The following SLF2 variants were observed in gnomAD, a reference collection of about 807,000 sequenced individuals.
The protein encoded by SLF2 is SMC5/6 complex localization factor 2, also known as SMC5-SMC6 complex localization factor protein 2.
Under a neutral mutation model 124.3 loss-of-function variants are expected in SLF2, and 68 were observed. The ratio of observed to expected loss-of-function variants is 0.55; its 90% CI spans 0.45 to 0.67. The LOEUF is 0.67. Ranked by LOEUF, SLF2 falls within the 30% of genes least tolerant of loss-of-function variation. SLF2 has a pLI of 0.00. For missense variants in SLF2, 1,246 were observed against 1,373.7 expected, an observed-to-expected ratio of 0.91 and a Z score of 1.47; for synonymous variants, 480 against 478.8, an observed-to-expected ratio of 1.00 and a Z score of -0.03.
chr10:100,928,832 C>A (rs574423604), intron 6 of SLF2, among the ~76,000 whole-genome samples: 8 of 152,126 alleles, frequency 5.3e-5, no homozygotes, highest in Non-Finnish European at 1.2e-4. Context: ...ATATTAAGTG[C>A]TCGGTAAATG....
In SLF2 at chr10:100,956,557, TTTTC is replaced by T; in HGVS notation, c.3417+24_3417+27del. The T allele has an allele frequency of 6.5e-7, 1 of 1,534,222 alleles. No individual in the cohort carries two copies. The highest frequency in any genetic ancestry group is 1.2e-5 in the South Asian group (1 of 83,460). ...ACTAAGGTAAGTGTGTTCTTTCTTT[TTTTC>T]TTTTTTTTTTTCTTAATCTTGGTTA... On this transcript the variant is annotated intron_variant, in intron 18 of 19. Transcript: ENST00000238961.
chr10:100,924,832 A>T lies in SLF2; in HGVS notation c.1831A>T (p.Asn611Tyr). The T allele has an allele frequency of 6.2e-7, 1 of 1,614,228 alleles. No homozygotes were observed. Among genetic ancestry groups the T allele is most frequent in the Non-Finnish European group, 8.5e-7 (1 of 1,180,036 alleles). ...TAGTGATGAAGAAAGTTTAGGTTAC[A>T]ACCTAGACAGTGATGAGGAAGAGGA... ...FDSDEESLGY[N>Y]LDSDEEEETL... Residue 611 changes from asparagine to tyrosine, a missense_variant, in exon 5 of 20, where the codon AAC becomes TAC. Coordinates refer to ENST00000238961, the MANE Select transcript of SLF2 (RefSeq NM_018121.4).
chr10:100,958,039 ACT>A (rs1189567239), intron 18 of SLF2, among the ~76,000 whole-genome samples: 3 of 152,068 alleles, frequency 2.0e-5, no homozygotes, highest in South Asian at 4.1e-4. Context: ...ACAGAGCAAG[ACT>A]CTGTCTCAAA....
In SLF2 at chr10:100,918,392, A is replaced by T; in HGVS notation, c.924A>T (p.Gly308=). Residue 308 remains glycine, a synonymous_variant, in exon 4 of 20, where the codon GGA becomes GGT. Coordinates refer to ENST00000238961, the MANE Select transcript of SLF2 (RefSeq NM_018121.4). ...GKNNLSNVEN[G]HLSRKRSSSD... ...TCTCATTGTGCTCATAGGAAAATGG[A>T]CATCTCTCAAGAAAAAGATCCTCTT... 1 of 1,594,624 alleles carries T rather than the reference A, an allele frequency of 6.3e-7. No homozygotes were observed. The highest frequency in any genetic ancestry group is 8.5e-7 in the Non-Finnish European group (1 of 1,169,850).
At chr10:100,928,745 G>A (rs1235679125) in intron 6 of SLF2, among the ~76,000 whole-genome samples, 1 of 152,096 alleles carries the variant, frequency 6.6e-6, no homozygotes, top group Non-Finnish European at 1.5e-5. Context: ...TATAAAATGC[G>A]TTATAAACTA....
intron 6 of SLF2, chr10:100,926,765 C>T (rs1011039598): frequency 6.6e-6 from 1 of 151,998 alleles, no homozygotes; most frequent in Admixed American, 6.6e-5. Flanking sequence ...AAAAAATTAG[C>T]TGGGTGTCGT....
rs1471769068 is a variant in SLF2, at chr10:100,945,458, A to G, written c.2886A>G (p.Gln962=). ...QLKQIPLVDF[Q]SLLINLMKNI... is the part of the protein sequence containing the mutation. ...AACAGATTCCTTTAGTAGACTTTCA[A>G]AGCCTCCTGATAAACCTGATGAAAA... The change falls in exon 13 of 20, where the codon CAA becomes CAG. Residue 962 remains glutamine (Q), a synonymous_variant. Transcript: ENST00000238961. 1.9e-6 allele frequency: 3 copies of G among 1,590,712 alleles called. No homozygotes were observed. The highest frequency in any genetic ancestry group is 1.7e-4 in the Middle Eastern group (1 of 5,998).
rs757559576 is a variant in SLF2 at position 100,929,300 on chromosome 10, T to C, written c.2043-17T>C. On this transcript the variant is annotated splice_polypyrimidine_tract_variant and intron_variant, in intron 6 of 19. Coordinates refer to ENST00000238961, the MANE Select transcript of SLF2 (RefSeq NM_018121.4). ...ATTTTTAGAGTAAACTGTTATAACA[T>C]TCTTTCCAATTCTCAGGCTAGATGA... 3.1e-6 allele frequency: 5 copies of C among 1,596,744 alleles called. No individual in the cohort carries two copies. In the South Asian group the frequency reaches 5.6e-5, roughly 18 times the overall value.
intron 9 of SLF2, among the ~76,000 whole-genome samples, chr10:100,932,692 AGTGT>A (rs111530755): frequency 0.15 from 19,862 of 133,266 alleles, 1,457 homozygotes; most frequent in East Asian, 0.22. Context: ...ACAAACAATA[AGTGT>A]GTGTGTGTGT....
chr10:100,913,120 C>T lies in SLF2; in HGVS notation c.10C>T (p.Arg4Cys), dbSNP rs773749793. MTR[R>C]CMPARPGFPS... ...CGCCAGCGGCGCCGACATGACAAGG[C>T]GCTGCATGCCCGCTAGGCCAGGTTT... Residue 4 changes from arginine to cysteine, a missense_variant, in exon 1 of 20, where the codon CGC (arginine) becomes TGC (cysteine). Physicochemically the swap from Arg to Cys is radical, Grantham distance 180. Transcript: ENST00000238961. 6.8e-6 allele frequency: 11 copies of T among 1,612,606 alleles called. No homozygotes were observed. The highest frequency in any genetic ancestry group is 1.3e-5 in the African/African-American group (1 of 74,894).
Position 100,917,057 on chromosome 10 carries a change from G to T in SLF2, c.672G>T (p.Arg224Ser), listed in dbSNP as rs145002981. 67 of 1,614,058 alleles carry T rather than the reference G, an allele frequency of 4.2e-5. No individual in the cohort carries two copies. The highest frequency in any genetic ancestry group is 8.3e-5 in the Admixed American group (5 of 59,994). Residue 224 changes from arginine to serine, a missense_variant, in exon 3 of 20, where the codon AGG becomes AGT. This residue lies in a region of SLF2 where 698 missense variants were observed against 708.9 expected (regional missense o/e 0.98). Transcript: ENST00000238961. ...RSLSSRSSLS[R>S]HHPEESPLGA... ...TTAGCAGCAGGAGCAGCCTGTCCAGGCACCACCCGGAAGAAAGCCCACTGG... is the reference window on the plus strand; with the variant it reads ...TTAGCAGCAGGAGCAGCCTGTCCAGTCACCACCCGGAAGAAAGCCCACTGG...
intron 4 of SLF2, among the ~76,000 whole-genome samples, chr10:100,920,675 C>T (rs546084018): frequency 2.0e-4 from 31 of 152,254 alleles, no homozygotes; most frequent in African/African-American, 6.5e-4. Flanking sequence ...CTAAGCCAGG[C>T]GCAGTGGTTC....
intron 18 of SLF2, 24 bp downstream of exon 18, chr10:100,956,561 C>CTT (rs368524733): frequency 1.6e-4 from 191 of 1,225,152 alleles, no homozygotes; most frequent in South Asian, 2.9e-4. Flanking sequence ...TTCTTTTTTT[C>CTT]TTTTTTTTTT....
intron 8 of SLF2, 36 bp downstream of exon 8, chr10:100,930,033 A>T (rs776071391): frequency 6.7e-5 from 91 of 1,360,398 alleles, no homozygotes; most frequent in Non-Finnish European, 8.9e-5. Context: ...TTTTATATGT[A>T]TAAAAAATTA....
rs1450933292 is a variant in SLF2 at position 100,924,242 on chromosome 10, ATTC to A, written c.1243_1245del (p.Ser415del). On this transcript the variant is annotated inframe_deletion, in exon 5 of 20. Coordinates refer to ENST00000238961, the MANE Select transcript of SLF2 (RefSeq NM_018121.4). ...GGCTTGGCACCTTCAAATTCTGGCAATTCTGGCCACCATTCTACCAGGAATAGT... is the reference window on the plus strand; with the variant it reads ...GGCTTGGCACCTTCAAATTCTGGCAATGGCCACCATTCTACCAGGAATAGT... 1 of 1,614,048 alleles carries A rather than the reference ATTC, an allele frequency of 6.2e-7. No homozygotes were observed. The highest frequency in any genetic ancestry group is 8.5e-7 in the Non-Finnish European group (1 of 1,180,042).
At chr10:100,937,351 GT>G (rs1416447191) in intron 9 of SLF2, 50 bp from the exon 10 acceptor site, 1 of 1,390,592 alleles carries the variant, frequency 7.2e-7, no homozygotes, top group African/African-American at 1.4e-5. Context: ...AATAATGAAT[GT>G]TTGTGTTTTC....
rs897979529 is a variant in SLF2, at chr10:100,944,233, C to T, written c.2757+105C>T. 139 of 634,434 alleles carry T rather than the reference C, an allele frequency of 2.2e-4. 1 individual carries two copies. The highest frequency in any genetic ancestry group is 1.3e-3 in the East Asian group (40 of 30,366). The allele number at this position is 634,434 out of a possible 1,614,324, so 39.3% of individuals were successfully genotyped here. ...AGTCTCGGCCGGGCGCGGTGGCTCA[C>T]GCCTGTAATCCCAGCACTTTGGGAG... On this transcript the variant is annotated intron_variant, in intron 12 of 19. Coordinates refer to ENST00000238961, the MANE Select transcript of SLF2 (RefSeq NM_018121.4).
chr10:100,956,814 T>C (rs1850339581), intron 18 of SLF2, among the ~76,000 whole-genome samples: 1 of 152,072 alleles, frequency 6.6e-6, no homozygotes, highest in African/African-American at 2.4e-5. Flanking sequence ...TAGTTCTGGC[T>C]ACTTGGGAGG....
At chr10:100,955,844 TGTA>T (rs1212702812) in intron 17 of SLF2, among the ~76,000 whole-genome samples, 6 of 151,382 alleles carry the variant, frequency 4.0e-5, no homozygotes, top group Non-Finnish European at 7.4e-5. Context: ...AGCCAGAGGT[TGTA>T]GTGAGCTGAG....
Sources: allele counts gnomAD v4.1 joint callset (sites outside exome capture counted in the v4.1 genomes callset), GRCh38; gene constraint gnomAD v4.1.1; regional missense constraint gnomAD v4.1.1; transcripts MANE v1.5; gene names NCBI Gene and HGNC (gene_info 2026-07-23, HGNC 2026-07-21).